Variants in HRG observed in about 807,000 individuals in gnomAD.
HRG encodes histidine-rich glycoprotein.
Under a neutral mutation model 29.5 loss-of-function variants are expected in HRG, and 26 were observed. That is an observed-to-expected ratio of 0.88 (90% CI 0.65 to 1.22). The LOEUF is 1.22. Ranked by LOEUF, HRG falls within the 50% of genes most tolerant of loss-of-function variation. The pLI is 0.00. For synonymous variants in HRG, 243 were observed against 240.4 expected (o/e 1.01, Z -0.10); for missense variants, 671 against 654.5 (o/e 1.03, Z -0.28).
chr3:186,671,532 C>A, intron 3 of HRG, 91 bp from the exon 4 acceptor site: 1 of 1,358,642 alleles, frequency 7.4e-7, no homozygotes, highest in Non-Finnish European at 1.1e-6. Flanking sequence ...ATTTGCCCAT[C>A]CTTAAAATGA....
intron 4 of HRG, among the ~76,000 whole-genome samples, chr3:186,672,211 T>C (rs764432007): frequency 6.6e-6 from 1 of 152,234 alleles, no homozygotes; most frequent in Non-Finnish European, 1.5e-5. Flanking sequence ...AGGACCCAAG[T>C]ACTTTCACCC....
Position 186,677,551 on chromosome 3 carries a change from C to T in HRG, c.1246C>T (p.Pro416Ser), listed in dbSNP as rs2108586081. 2 of 1,613,692 alleles carry T rather than the reference C, an allele frequency of 1.2e-6. No individual in the cohort carries two copies. The highest frequency in any genetic ancestry group is 1.7e-6 in the Non-Finnish European group (2 of 1,179,778). ...PHCHDFQDYGPCDPPPHNQGH... is the reference protein window; with the variant it reads ...PHCHDFQDYGSCDPPPHNQGH... ...CTGCCATGATTTCCAAGACTATGGACCTTGTGACCCACCACCCCATAACCA... is the reference window on the plus strand; with the variant it reads ...CTGCCATGATTTCCAAGACTATGGATCTTGTGACCCACCACCCCATAACCA... Residue 416 changes from proline to serine, a missense_variant, in exon 7 of 7, where the codon CCT becomes TCT. Transcript: ENST00000232003.
intron 5 of HRG, chr3:186,673,774 A>C (rs534557947): frequency 1.3e-5 from 2 of 152,278 alleles, no homozygotes; most frequent in South Asian, 4.2e-4. Context: ...TCTCATACAA[A>C]GTCCAGTGGG....
At chr3:186,670,775 G>C (rs1405583640) in intron 3 of HRG, among the ~76,000 whole-genome samples, 1 of 152,128 alleles carries the variant, frequency 6.6e-6, no homozygotes, top group African/African-American at 2.4e-5. Context: ...TCAAACTCTT[G>C]ACCTCAGGTG....
rs773712833 is a variant in HRG at position 186,666,048 on chromosome 3, C to T, written c.17C>T (p.Ala6Val). 47 of 1,614,092 alleles carry T rather than the reference C, an allele frequency of 2.9e-5. No individual in the cohort carries two copies. The South Asian group carries it at 5.0e-4, about 17-fold the overall frequency. Reference sequence around the variant, plus strand: ...TTTAACAAAATGAAGGCACTCATTGCAGCACTGCTTTTGATCACATTGCAG... The same window carrying T: ...TTTAACAAAATGAAGGCACTCATTGTAGCACTGCTTTTGATCACATTGCAG... The part of the protein sequence containing the change: MKALI[A>V]ALLLITLQYS... Residue 6 changes from alanine to valine, a missense_variant, in exon 1 of 7, where the codon GCA (alanine) becomes GTA (valine). Ala to Val is a moderately conservative substitution (Grantham distance 64). Coordinates refer to ENST00000232003, the MANE Select transcript of HRG (RefSeq NM_000412.5).
In HRG at chr3:186,677,978, C is replaced by A. The variant is rs1719063385; in HGVS notation, c.*95C>A. 1 of 1,255,488 alleles carries A rather than the reference C, an allele frequency of 8.0e-7. No homozygotes were observed. The highest frequency in any genetic ancestry group is 1.1e-6 in the Non-Finnish European group (1 of 878,708). The allele number at this position is 1,255,488 out of a possible 1,614,324, so 77.8% of individuals were successfully genotyped here. A position where few individuals can be genotyped will look rare whatever the true frequency, so the allele number is the denominator to read the frequency against. ...TTGTGAAAATTACAGTTCTTTTCAA[C>A]CTACTTTCATACTGAAGATGCAGCA... On this transcript the variant is annotated 3_prime_UTR_variant, in exon 7 of 7. Transcript: ENST00000232003.
intron 5 of HRG, 100 bp downstream of exon 5, chr3:186,672,967 GAGA>G: frequency 4.9e-6 from 4 of 819,058 alleles, no homozygotes; most frequent in South Asian, 4.2e-5. Context: ...GGAGAAGAAG[GAGA>G]AGAGGAATGA....
intron 1 of HRG, chr3:186,667,408 G>A (rs909828731): frequency 1.3e-5 from 2 of 152,202 alleles, no homozygotes; most frequent in African/African-American, 4.8e-5. Context: ...AAGCAGAGTA[G>A]GAGAACAAAG....
chr3:186,671,517 C>T lies in HRG; in HGVS notation c.392-106C>T, dbSNP rs75650463. On this transcript the variant is annotated intron_variant, in intron 3 of 6. Coordinates refer to ENST00000232003, the MANE Select transcript of HRG (RefSeq NM_000412.5). ...GAAGCAGTTACTCAGCTCTTCCCACCCTCAATTTGCCCATCCTTAAAATGA... is the reference window on the plus strand; with the variant it reads ...GAAGCAGTTACTCAGCTCTTCCCACTCTCAATTTGCCCATCCTTAAAATGA... The T allele has an allele frequency of 4.8e-3, 5,542 of 1,164,488 alleles. 193 individuals carry two copies. The African/African-American group carries it at 0.075, about 16-fold the overall frequency. The allele number at this position is 1,164,488 out of a possible 1,614,324, so 72.1% of individuals were successfully genotyped here. A position where few individuals can be genotyped will look rare whatever the true frequency, so the allele number is the denominator to read the frequency against.
Position 186,670,986 on chromosome 3 carries a change from T to A in HRG, c.392-637T>A, listed in dbSNP as rs187428541. Among the ~76,000 whole-genome samples, 48 of 152,150 alleles carry A rather than the reference T, an allele frequency of 3.2e-4. No homozygotes were observed. In the East Asian group the frequency reaches 7.9e-3, roughly 25 times the overall value. On this transcript the variant is annotated intron_variant, in intron 3 of 6. Transcript: ENST00000232003. ...TGCATTGAAGAAAGGATGATCTGTA[T>A]CTTCTCCTCTCTCTGGGCAAAACTC...
chr3:186,677,798 A>G lies in HRG; in HGVS notation c.1493A>G (p.Gln498Arg), dbSNP rs201032457. 5 of 1,614,108 alleles carry G rather than the reference A, an allele frequency of 3.1e-6. No individual in the cohort carries two copies. Among genetic ancestry groups the G allele is most frequent in the Admixed American group, 1.7e-5 (1 of 60,022 alleles). Residue 498 changes from glutamine (Q) to arginine (R), a missense_variant, in exon 7 of 7, where the codon CAA becomes CGA. Coordinates refer to ENST00000232003, the MANE Select transcript of HRG (RefSeq NM_000412.5). ...PLKPDNQPFP[Q>R]SVSESCPGKF... ...AAGCCAGACAATCAGCCCTTTCCTCAATCAGTCTCTGAATCATGTCCAGGG... is the reference window on the plus strand; with the variant it reads ...AAGCCAGACAATCAGCCCTTTCCTCGATCAGTCTCTGAATCATGTCCAGGG...
chr3:186,668,687 G>T, intron 1 of HRG: 1 of 475,544 alleles, frequency 2.1e-6, no homozygotes, highest in East Asian at 4.0e-5. Flanking sequence ...CACCACTGCC[G>T]TTTAGTGATA....
At chr3:186,673,250 T>G in intron 5 of HRG, 1 of 327,056 alleles carries the variant, frequency 3.1e-6, no homozygotes, top group East Asian at 7.6e-5. Context: ...ATTACAGGCA[T>G]GCACCACCAC....
chr3:186,669,595 C>T (rs571901352), intron 2 of HRG: 401 of 383,112 alleles, frequency 1.0e-3, no homozygotes, highest in Middle Eastern at 2.5e-3. Flanking sequence ...AGGTGGAGAA[C>T]ATGAAGATGA....
chr3:186,669,858 C>A, intron 2 of HRG, 80 bp from the exon 3 acceptor site: 1 of 788,404 alleles, frequency 1.3e-6, no homozygotes, highest in South Asian at 1.3e-5. Context: ...TGTTGCATCA[C>A]CTTTTTGCTC....
chr3:186,677,529 C>T lies in HRG; in HGVS notation c.1224C>T (p.Cys408=), dbSNP rs543747513. ...GHHPHGHHPH[C]HDFQDYGPCD... is the part of the protein sequence containing the mutation. The stretch of plus-strand genomic sequence containing the variant: ...ATCCCCATGGACACCATCCCCACTG[C>T]CATGATTTCCAAGACTATGGACCTT... The change falls in exon 7 of 7, where the codon TGC becomes TGT. Residue 408 remains cysteine (C), a synonymous_variant. Coordinates refer to ENST00000232003, the MANE Select transcript of HRG (RefSeq NM_000412.5). The T allele has an allele frequency of 9.3e-5, 149 of 1,610,608 alleles. No homozygotes were observed. Among genetic ancestry groups the T allele is most frequent in the Non-Finnish European group, 1.2e-4 (137 of 1,177,660 alleles).
rs1307864274 is a variant in HRG at position 186,671,735 on chromosome 3, G to A, written c.504G>A (p.Glu168=). The A allele has an allele frequency of 6.2e-7, 1 of 1,613,900 alleles. No homozygotes were observed. Among genetic ancestry groups the A allele is most frequent in the African/African-American group, 1.3e-5 (1 of 74,922 alleles). Residue 168 remains glutamate (E), a synonymous_variant, in exon 4 of 7, where the codon GAG becomes GAA. Transcript: ENST00000232003. ...ANKALEKYKE[E]NDDFASFRVD... Reference sequence around the variant, plus strand: ...AAGCCCTTGAGAAGTACAAAGAGGAGAATGATGACTTTGCCTCTTTCAGAG... The same window carrying A: ...AAGCCCTTGAGAAGTACAAAGAGGAAAATGATGACTTTGCCTCTTTCAGAG...
chr3:186,672,586 A>C (rs1268350303), intron 4 of HRG, among the ~76,000 whole-genome samples: 2 of 152,226 alleles, frequency 1.3e-5, no homozygotes, highest in Admixed American at 6.5e-5. Flanking sequence ...TTATTATTTG[A>C]ACCTTTTCAG....
At position 186,677,680 on chromosome 3, in the gene HRG, T is replaced by A; in HGVS notation, c.1375T>A (p.Tyr459Asn). 1 of 1,613,266 alleles carries A rather than the reference T, an allele frequency of 6.2e-7. No individual in the cohort carries two copies. The highest frequency in any genetic ancestry group is 8.5e-7 in the Non-Finnish European group (1 of 1,179,238). ...CCATTGCAGACAAATTGGATCTGTG[T>A]ACCGACTCCCTCCTCTAAGAAAAGG... is the stretch of plus-strand genomic sequence containing the variant. ...PFHCRQIGSV[Y>N]RLPPLRKGEV... Residue 459 changes from tyrosine (Y) to asparagine (N), a missense_variant, in exon 7 of 7, where the codon TAC becomes AAC. Transcript: ENST00000232003.
Sources: allele counts gnomAD v4.1 joint callset (sites outside exome capture counted in the v4.1 genomes callset), GRCh38; gene constraint gnomAD v4.1.1; transcripts MANE v1.5; gene names NCBI Gene and HGNC (gene_info 2026-07-23, HGNC 2026-07-21).